The following SLC5A3 variants were observed in gnomAD, a reference collection of about 807,000 sequenced individuals.
SLC5A3 encodes sodium/myo-inositol cotransporter.
A neutral mutation model predicts 43.2 loss-of-function variants in SLC5A3; 10 were observed. That is an observed-to-expected ratio of 0.23 (90% CI 0.14 to 0.39). The LOEUF (loss-of-function observed/expected upper bound fraction) is 0.39. SLC5A3 is among the 10% of genes least tolerant of loss of function. The probability of loss-of-function intolerance (pLI) is 1.00; values close to 1 mark genes in which losing one functional copy is unlikely to be tolerated. For missense variants in SLC5A3, 608 were observed against 893.4 expected (o/e 0.68, Z 4.07); for synonymous variants, 349 against 322.0 (o/e 1.08, Z -0.90).
In SLC5A3 at chr21:34,096,589, G is replaced by A; in HGVS notation, c.1391G>A (p.Arg464His). 6.2e-7 allele frequency: 1 copy of A among 1,614,112 alleles called. No individual in the cohort carries two copies. The highest frequency in any genetic ancestry group is 8.5e-7 in the Non-Finnish European group (1 of 1,180,014). Residue 464 changes from arginine (R) to histidine (H), a missense_variant, in exon 2 of 2, where the codon CGC becomes CAC. Arg to His is a conservative substitution (Grantham distance 29, BLOSUM62 0). Around this residue, in one of 2 missense-constraint regions of SLC5A3, gnomAD observed 398 missense variants for 668.6 expected, o/e 0.60. Coordinates refer to ENST00000381151, the MANE Select transcript of SLC5A3 (RefSeq NM_006933.7). This position sits in a 1 kb window ranked among gnomAD's most constrained non-coding sequence, Gnocchi z 5.9. ...ALFLLAIFWK[R>H]CNEQGAFYGG... ...TTCCTGCTGGCAATTTTCTGGAAGC[G>A]CTGCAATGAACAAGGGGCTTTCTAT...
rs1988603070 is a variant in SLC5A3, at chr21:34,097,118, TGAGAAAGA to T, written c.1929_1936del (p.Lys645AsnfsTer3). The T allele has an allele frequency of 6.2e-7, 1 of 1,613,766 alleles. No individual in the cohort carries two copies. The highest frequency in any genetic ancestry group is 8.5e-7 in the Non-Finnish European group (1 of 1,179,908). ...CCAATGGGCAAGCAGCTCTCATGGG[TGAGAAAGA>T]GAGAAAGAAAGAAACGGATGATGGA... On this transcript the variant is annotated frameshift_variant, in exon 2 of 2. Transcript: ENST00000381151. LOFTEE classifies it high-confidence loss of function.
chr21:34,095,121 C>G lies in SLC5A3; in HGVS notation c.-78C>G. 2.6e-6 allele frequency: 4 copies of G among 1,531,398 alleles called. No individual in the cohort carries two copies. Among genetic ancestry groups the G allele is most frequent in the Non-Finnish European group, 3.5e-6 (4 of 1,141,240 alleles). 94.9% of individuals were successfully genotyped at this position (1,531,398 alleles called of 1,614,324 possible). A position where few individuals can be genotyped will look rare whatever the true frequency, so the allele number is the denominator to read the frequency against. On this transcript the variant is annotated 5_prime_UTR_variant, in exon 2 of 2. Coordinates refer to ENST00000381151, the MANE Select transcript of SLC5A3 (RefSeq NM_006933.7). Reference sequence around the variant, plus strand: ...GTCCAGTTCACGTATGGTTTACAGACTTGGCTGGGGTTACTAAAAATAAAT... The same window carrying G: ...GTCCAGTTCACGTATGGTTTACAGAGTTGGCTGGGGTTACTAAAAATAAAT...
chr21:34,094,656 A>G (rs1978882312), intron 1 of SLC5A3, among the ~76,000 whole-genome samples: 1 of 152,250 alleles, frequency 6.6e-6, no homozygotes, highest in Admixed American at 6.5e-5. Flanking sequence ...TCCTCAGCTC[A>G]AAATGATAAT....
In SLC5A3 at chr21:34,095,107, G is replaced by A; in HGVS notation, c.-92G>A. 4 of 1,513,868 alleles carry A rather than the reference G, an allele frequency of 2.6e-6. No homozygotes were observed. Among genetic ancestry groups the A allele is most frequent in the South Asian group, 1.3e-5 (1 of 75,290 alleles). The allele number at this position is 1,513,868 out of a possible 1,614,324, so 93.8% of individuals were successfully genotyped here. A position where few individuals can be genotyped will look rare whatever the true frequency, so the allele number is the denominator to read the frequency against. On this transcript the variant is annotated 5_prime_UTR_variant, in exon 2 of 2. Coordinates refer to ENST00000381151, the MANE Select transcript of SLC5A3 (RefSeq NM_006933.7). ...TGTTGCTCTGTGTAGTCCAGTTCAC[G>A]TATGGTTTACAGACTTGGCTGGGGT...
intron 1 of SLC5A3, among the ~76,000 whole-genome samples, chr21:34,093,163 G>C (rs938217850): frequency 6.6e-5 from 10 of 151,946 alleles, no homozygotes; most frequent in African/African-American, 2.4e-4. Context: ...TTTGGGGGTG[G>C]GGAAGGTGGT....
Position 34,105,864 on chromosome 21 carries a change from A to T in SLC5A3, c.*8509A>T. The stretch of plus-strand genomic sequence containing the variant: ...TTCTATATTGAAAGGAGTACAGTTG[A>T]AATTGTAGATTTAAGATTGTTAAAA... On this transcript the variant is annotated 3_prime_UTR_variant, in exon 2 of 2. Transcript: ENST00000381151. 1 of 994,230 alleles carries T rather than the reference A, an allele frequency of 1.0e-6. No homozygotes were observed. The highest frequency in any genetic ancestry group is 1.2e-6 in the Non-Finnish European group (1 of 824,614). The allele number at this position is 994,230 out of a possible 1,614,324, so 61.6% of individuals were successfully genotyped here.
rs1456566799 is a variant in SLC5A3 at position 34,100,939 on chromosome 21, A to G, written c.*3584A>G. The stretch of plus-strand genomic sequence containing the variant: ...TTCCTGCTTGGCAGTGTTAAAGCTT[A>G]CAGGGTTAACTTATGATGATTCTCC... On this transcript the variant is annotated 3_prime_UTR_variant, in exon 2 of 2. Transcript: ENST00000381151. The G allele has an allele frequency of 7.0e-6, 7 of 1,000,050 alleles. No homozygotes were observed. The East Asian group carries it at 3.4e-4, about 49-fold the overall frequency. The allele number at this position is 1,000,050 out of a possible 1,614,324, so 61.9% of individuals were successfully genotyped here.
At chr21:34,073,893 C>A in intron 1 of SLC5A3, 148 bp downstream of exon 1, 1 of 260,426 alleles carries the variant, frequency 3.8e-6, no homozygotes, top group South Asian at 1.3e-4. Flanking sequence ...CGGCGGGCGT[C>A]CGCGGGAAGG....
chr21:34,074,233 G>A (rs1216027423), intron 1 of SLC5A3, among the ~76,000 whole-genome samples: 1 of 151,432 alleles, frequency 6.6e-6, no homozygotes, highest in East Asian at 1.9e-4. Context: ...TCTAGCGCCC[G>A]CCGGCCGCCC....
At position 34,100,204 on chromosome 21, in the gene SLC5A3, G is replaced by A. The variant is rs118144043; in HGVS notation, c.*2849G>A. On this transcript the variant is annotated 3_prime_UTR_variant, in exon 2 of 2. Coordinates refer to ENST00000381151, the MANE Select transcript of SLC5A3 (RefSeq NM_006933.7). ...TAGAGAAAAATAAATGTCTTACCAG[G>A]TGTTAATGGTATCCCCAGTTCTTAG... 11,062 of 1,000,170 alleles carry A rather than the reference G, an allele frequency of 0.011. 63 individuals are homozygous for A. The highest frequency in any genetic ancestry group is 0.012 in the Non-Finnish European group (9,793 of 829,934). The allele number at this position is 1,000,170 out of a possible 1,614,324, so 62.0% of individuals were successfully genotyped here. A position where few individuals can be genotyped will look rare whatever the true frequency, so the allele number is the denominator to read the frequency against.
rs779061173 is a variant in SLC5A3, at chr21:34,095,344, T to G, written c.146T>G (p.Val49Gly). 3.1e-6 allele frequency: 5 copies of G among 1,614,120 alleles called. No homozygotes were observed. The highest frequency in any genetic ancestry group is 4.2e-6 in the Non-Finnish European group (5 of 1,179,962). The change falls in exon 2 of 2, where the codon GTA becomes GGA. Residue 49 changes from valine (V) to glycine (G), a missense_variant. Physicochemically the swap from Val to Gly is moderately radical, Grantham distance 109. Around this residue, in one of 2 missense-constraint regions of SLC5A3, gnomAD observed 398 missense variants for 668.6 expected, o/e 0.60. Coordinates refer to ENST00000381151, the MANE Select transcript of SLC5A3 (RefSeq NM_006933.7). ...CTGGCGGGGCGCTCTATGACCTGGG[T>G]AGCAATTGGTGCCTCTCTGTTTGTG... Reference protein sequence around the residue: ...YFLAGRSMTWVAIGASLFVSN... With the variant: ...YFLAGRSMTWGAIGASLFVSN...
chr21:34,092,556 G>A (rs925908814), intron 1 of SLC5A3, among the ~76,000 whole-genome samples: 1 of 152,208 alleles, frequency 6.6e-6, no homozygotes, highest in African/African-American at 2.4e-5. Flanking sequence ...GCTAGCATGA[G>A]AACTTCATGC....
rs781306813 is a variant in SLC5A3 at position 34,095,182 on chromosome 21, A to G, written c.-17A>G. 1.3e-6 allele frequency: 2 copies of G among 1,577,022 alleles called. No homozygotes were observed. The highest frequency in any genetic ancestry group is 1.4e-5 in the African/African-American group (1 of 73,270). On this transcript the variant is annotated 5_prime_UTR_variant, in exon 2 of 2. Coordinates refer to ENST00000381151, the MANE Select transcript of SLC5A3 (RefSeq NM_006933.7). The stretch of plus-strand genomic sequence containing the variant: ...ACACTTCTGTCATTGGAGCGCTATT[A>G]TTCACAAGTTACCAGAATGAGAGCT...
intron 1 of SLC5A3, among the ~76,000 whole-genome samples, chr21:34,091,267 GC>G (rs34229412): frequency 1 from 152,301 of 152,308 alleles, 76,147 homozygotes; most frequent in Middle Eastern, 1. Flanking sequence ...TGCAGGCCCC[GC>G]CCTGTGTCAT....
At chr21:34,077,424 C>T (rs62228248) in intron 1 of SLC5A3, among the ~76,000 whole-genome samples, 8,812 of 152,226 alleles carry the variant, frequency 0.058, 299 homozygotes, top group Middle Eastern at 0.13. Context: ...TCACAGTTGG[C>T]ATAGATTATG....
intron 1 of SLC5A3, among the ~76,000 whole-genome samples, chr21:34,085,999 T>A (rs1183405710): frequency 6.6e-6 from 1 of 152,238 alleles, no homozygotes; most frequent in African/African-American, 2.4e-5. Flanking sequence ...TTGTCAAAAG[T>A]GTCTGTCTAC....
In SLC5A3 at chr21:34,096,087, G is replaced by A; in HGVS notation, c.889G>A (p.Gly297Ser). ...AGCCAAAAACATTGCTCATGCCAAA[G>A]GCTCTACTCTTATGGCTGGCTTCTT... is the stretch of plus-strand genomic sequence containing the variant. ...LAAKNIAHAK[G>S]STLMAGFLKL... Residue 297 changes from glycine (G) to serine (S), a missense_variant, in exon 2 of 2, where the codon GGC becomes AGC. By Grantham distance (56) the Gly-to-Ser change is moderately conservative (BLOSUM62 0). Transcript: ENST00000381151. The surrounding 1 kb of genome is among the most constrained non-coding windows in gnomAD (Gnocchi z 5.9). 1 of 1,614,112 alleles carries A rather than the reference G, an allele frequency of 6.2e-7. No individual in the cohort carries two copies. The highest frequency in any genetic ancestry group is 1.1e-5 in the South Asian group (1 of 91,082).
At chr21:34,083,794 A>G (rs1989510754) in intron 1 of SLC5A3, among the ~76,000 whole-genome samples, 1 of 152,150 alleles carries the variant, frequency 6.6e-6, no homozygotes, top group Admixed American at 6.5e-5. Flanking sequence ...GATTTTGCAA[A>G]TTTTGTGTGT....
At chr21:34,075,950 C>G (rs1160690575) in intron 1 of SLC5A3, among the ~76,000 whole-genome samples, 1 of 152,178 alleles carries the variant, frequency 6.6e-6, no homozygotes, top group Admixed American at 6.5e-5. Context: ...AGTTCTAACC[C>G]GAGGCACTTT....
Sources: gnomAD v4.1 joint callset for allele counts (sites outside exome capture counted in the v4.1 genomes callset) on GRCh38, gnomAD v4.1.1 for gene constraint, gnomAD v4.1.1 regional missense constraint, Gnocchi (gnomAD v3.1) non-coding constraint, MANE v1.5 for transcripts, NCBI Gene and HGNC (gene_info 2026-07-23, HGNC 2026-07-21) for gene names.